The following TRIM58 variants were observed in gnomAD, a reference collection of about 807,000 sequenced individuals.
TRIM58 encodes E3 ubiquitin-protein ligase TRIM58.
In TRIM58, 38 loss-of-function variants were observed where a neutral mutation model predicts 34.1. The observed-to-expected ratio is 1.12, with a 90% CI of 0.86 to 1.46. The LOEUF (loss-of-function observed/expected upper bound fraction) is 1.46. Among genes scored for constraint, TRIM58 ranks in the 40% most tolerant of loss-of-function variants. TRIM58 has a pLI of 0.00. For missense variants in TRIM58, 677 were observed against 642.0 expected (o/e 1.05, Z -0.59); for synonymous variants, 273 against 275.7 (o/e 0.99, Z 0.10).
At chr1:247,870,337 A>G (rs1476867249) in intron 5 of TRIM58, among the ~76,000 whole-genome samples, 1 of 151,874 alleles carries the variant, frequency 6.6e-6, no homozygotes, top group African/African-American at 2.4e-5. Context: ...AGCCTGCACC[A>G]CCATGCCCAG....
In TRIM58 at chr1:247,869,961, A is replaced by G. The variant is rs370468457; in HGVS notation, c.871+1898A>G. ...GTGGATGATTTTAGGGAGATAGTAAATGATTTTTTGGAGGATTCATTGGGC... is the reference window on the plus strand; with the variant it reads ...GTGGATGATTTTAGGGAGATAGTAAGTGATTTTTTGGAGGATTCATTGGGC... On this transcript the variant is annotated intron_variant, in intron 5 of 5. Transcript: ENST00000366481. Among the ~76,000 whole-genome samples, 36 of 152,298 alleles carry G rather than the reference A, an allele frequency of 2.4e-4. No homozygotes were observed. In the East Asian group the frequency reaches 4.1e-3, roughly 17 times the overall value.
At chr1:247,864,400 G>A (rs1264578760) in intron 2 of TRIM58, among the ~76,000 whole-genome samples, 1 of 151,908 alleles carries the variant, frequency 6.6e-6, no homozygotes, top group Admixed American at 6.6e-5. Context: ...CTCTTGCCTC[G>A]ACCTCCCCAA....
chr1:247,872,235 T>C (rs1325903294), intron 5 of TRIM58, among the ~76,000 whole-genome samples: 1 of 152,260 alleles, frequency 6.6e-6, no homozygotes, highest in East Asian at 1.9e-4. Flanking sequence ...ATATGCTTTC[T>C]TGTAAGTAAA....
At position 247,879,260 on chromosome 1, in the gene TRIM58, A is replaced by G. The variant is rs1031333424; in HGVS notation, c.*2771A>G. On this transcript the variant is annotated 3_prime_UTR_variant, in exon 6 of 6. Coordinates refer to ENST00000366481, the MANE Select transcript of TRIM58 (RefSeq NM_015431.4). ...AGTACTTTCTTGATTTCTCCAGCCC[A>G]CATCCAGTCCATCGGCAAGCCCTGT... Among the ~76,000 whole-genome samples the G allele has an allele frequency of 6.6e-6, 1 of 152,158 alleles. No homozygotes were observed. The highest frequency in any genetic ancestry group is 1.5e-5 in the Non-Finnish European group (1 of 68,028).
At chr1:247,859,531 A>G (rs61855700) in intron 1 of TRIM58, among the ~76,000 whole-genome samples, 18,115 of 152,164 alleles carry the variant, frequency 0.12, 1,381 homozygotes, top group Admixed American at 0.16. Flanking sequence ...AGTATTTAAA[A>G]TACACATATT....
intron 3 of TRIM58, among the ~76,000 whole-genome samples, chr1:247,865,855 C>G (rs1475125547): frequency 1.3e-5 from 2 of 152,170 alleles, no homozygotes; most frequent in Admixed American, 6.5e-5. Flanking sequence ...GATGCATGTT[C>G]TCATTTAAAA....
Position 247,857,520 on chromosome 1 carries a change from G to C in TRIM58, c.274G>C (p.Gly92Arg), listed in dbSNP as rs1663663051. 5 of 1,285,552 alleles carry C rather than the reference G, an allele frequency of 3.9e-6. No individual in the cohort carries two copies. The highest frequency in any genetic ancestry group is 1.5e-5 in the African/African-American group (1 of 64,532). The allele number at this position is 1,285,552 out of a possible 1,614,324, so 79.6% of individuals were successfully genotyped here. The change falls in exon 1 of 6, where the codon GGG (glycine) becomes CGG (arginine). Residue 92 changes from glycine (G) to arginine (R), a missense_variant. Transcript: ENST00000366481. ...VRRLGLGAGP[G>R]ARRCARHGED... ...GCGGCTGGGGTTGGGCGCGGGGCCC[G>C]GGGCGCGGCGATGCGCGCGGCACGG...
chr1:247,871,957 T>A (rs1329349689), intron 5 of TRIM58, among the ~76,000 whole-genome samples: 1 of 152,120 alleles, frequency 6.6e-6, no homozygotes, highest in African/African-American at 2.4e-5. Context: ...CCAGCAAATA[T>A]ATGATCTGGA....
intron 5 of TRIM58, among the ~76,000 whole-genome samples, chr1:247,874,205 T>G (rs4925573): frequency 0.98 from 149,653 of 152,338 alleles, 73,568 homozygotes; most frequent in Middle Eastern, 1. Context: ...TGTACAGGAG[T>G]CATGGTGCTG....
At position 247,876,254 on chromosome 1, in the gene TRIM58, G is replaced by T. The variant is rs571276238; in HGVS notation, c.1226G>T (p.Arg409Leu). ...CCTCTTCTCCAACTGGAAAGTCCTC[G>T]CTGCATTGGGATTTTCTTGGACTAT... ...SVPLLQLESPRCIGIFLDYEA... is the reference protein window; with the variant it reads ...SVPLLQLESPLCIGIFLDYEA... Residue 409 changes from arginine (R) to leucine (L), a missense_variant, in exon 6 of 6, where the codon CGC becomes CTC. Arg to Leu is a moderately radical substitution (Grantham distance 102, BLOSUM62 -2). Coordinates refer to ENST00000366481, the MANE Select transcript of TRIM58 (RefSeq NM_015431.4). 11 of 1,614,026 alleles carry T rather than the reference G, an allele frequency of 6.8e-6. No individual in the cohort carries two copies. The highest frequency in any genetic ancestry group is 7.6e-6 in the Non-Finnish European group (9 of 1,180,036).
chr1:247,875,794 A>G (rs1659270276), intron 5 of TRIM58, 106 bp from the exon 6 acceptor site: 1 of 903,442 alleles, frequency 1.1e-6, no homozygotes. Context: ...AGGAGTTAAT[A>G]GAGAGAGAAA....
chr1:247,857,254 G>T lies in TRIM58; in HGVS notation c.8G>T (p.Trp3Leu), dbSNP rs11204523. 80 of 1,323,264 alleles carry T rather than the reference G, an allele frequency of 6.0e-5. No individual in the cohort carries two copies. Among genetic ancestry groups the T allele is most frequent in the Middle Eastern group, 5.0e-4 (2 of 3,994 alleles). The allele number at this position is 1,323,264 out of a possible 1,614,324, so 82.0% of individuals were successfully genotyped here. MAWAPPGERLRED... is the reference protein window; with the variant it reads MALAPPGERLRED... ...CCCTCCGGGAGGCGGGTCATGGCCTGGGCGCCGCCCGGGGAGCGGCTGCGC... is the reference window on the plus strand; with the variant it reads ...CCCTCCGGGAGGCGGGTCATGGCCTTGGCGCCGCCCGGGGAGCGGCTGCGC... The change falls in exon 1 of 6, where the codon TGG becomes TTG. Residue 3 changes from tryptophan (W) to leucine (L), a missense_variant. By Grantham distance (61) the Trp-to-Leu change is moderately conservative. Transcript: ENST00000366481.
intron 5 of TRIM58, among the ~76,000 whole-genome samples, chr1:247,870,398 A>G (rs79845423): frequency 2.4e-4 from 31 of 129,430 alleles, no homozygotes; most frequent in African/African-American, 8.2e-4. Flanking sequence ...ACGGCCACCC[A>G]TAGAGCCTGC....
chr1:247,859,414 T>G (rs2103320396), intron 1 of TRIM58, among the ~76,000 whole-genome samples: 1 of 152,310 alleles, frequency 6.6e-6, no homozygotes, highest in South Asian at 2.1e-4. Flanking sequence ...ATATAACAAT[T>G]ATAATATTCT....
In TRIM58 at chr1:247,879,806, C is replaced by T. The variant is rs1659370473; in HGVS notation, c.*3317C>T. 6.6e-6 allele frequency among the ~76,000 whole-genome samples: 1 copy of T among 151,640 alleles called. No individual in the cohort carries two copies. The highest frequency in any genetic ancestry group is 2.4e-5 in the African/African-American group (1 of 41,270). On this transcript the variant is annotated 3_prime_UTR_variant, in exon 6 of 6. Coordinates refer to ENST00000366481, the MANE Select transcript of TRIM58 (RefSeq NM_015431.4). ...TCATTATTCCCTTTCTTCCTTAACT[C>T]TTCTGAGATCCAGCTTCTCAGTGAT...
At chr1:247,875,382 G>A (rs1659258624) in intron 5 of TRIM58, among the ~76,000 whole-genome samples, 1 of 152,106 alleles carries the variant, frequency 6.6e-6, no homozygotes, top group Non-Finnish European at 1.5e-5. Flanking sequence ...TTGGATGTAA[G>A]CCAGACATGG....
At position 247,860,635 on chromosome 1, in the gene TRIM58, C is replaced by T. The variant is rs539654994; in HGVS notation, c.439C>T (p.Leu147=). Residue 147 remains leucine, a synonymous_variant, in exon 2 of 6, where the codon CTG becomes TTG. Coordinates refer to ENST00000366481, the MANE Select transcript of TRIM58 (RefSeq NM_015431.4). ...CAAACAGGTAAAGCTCCAGATGGCT[C>T]TGGAACTTATGAGGAAAGAGTTGGA... ...GSYQVKLQMA[L]ELMRKELEDA... is the part of the protein sequence containing the mutation. 50 of 1,613,610 alleles carry T rather than the reference C, an allele frequency of 3.1e-5. No individual in the cohort carries two copies. In the South Asian group the frequency reaches 5.1e-4, roughly 16 times the overall value.
chr1:247,867,053 A>G (rs1425904982), intron 3 of TRIM58, among the ~76,000 whole-genome samples: 1 of 152,194 alleles, frequency 6.6e-6, no homozygotes, highest in Non-Finnish European at 1.5e-5. Flanking sequence ...TTTATTTAAT[A>G]ATCTACTTTG....
chr1:247,866,563 G>A (rs959403262), intron 3 of TRIM58, among the ~76,000 whole-genome samples: 1 of 152,136 alleles, frequency 6.6e-6, no homozygotes, highest in African/African-American at 2.4e-5. Context: ...GAGCCACCCC[G>A]CCTGGCATGG....
Sources: gnomAD v4.1 joint callset for allele counts (sites outside exome capture counted in the v4.1 genomes callset) on GRCh38, gnomAD v4.1.1 for gene constraint, MANE v1.5 for transcripts, NCBI Gene and HGNC (gene_info 2026-07-23, HGNC 2026-07-21) for gene names.